CUL1: variants seen among roughly 807,000 people sequenced by gnomAD.
The protein encoded by CUL1 is cullin-1.
Under a neutral mutation model 118.0 loss-of-function variants are expected in CUL1, and 24 were observed. That is an observed-to-expected ratio of 0.20 (90% CI 0.15 to 0.29). The LOEUF (loss-of-function observed/expected upper bound fraction) is 0.29, where lower values mean the gene tolerates loss of function less well. CUL1 is among the 10% of genes least tolerant of loss of function. CUL1 has a pLI of 1.00. For synonymous variants in CUL1, 332 were observed against 340.4 expected, an observed-to-expected ratio of 0.98 and a Z score of 0.27; for missense variants, 361 against 933.8, an observed-to-expected ratio of 0.39 and a Z score of 7.99.
chr7:148,776,182 C>CT (rs1484355640), intron 9 of CUL1, among the ~76,000 whole-genome samples: 1 of 151,614 alleles, frequency 6.6e-6, no homozygotes, highest in Non-Finnish European at 1.5e-5. Context: ...GGAAGACCCC[C>CT]CTCTGCCTTG....
chr7:148,725,221 T>G (rs11761079), intron 1 of CUL1, among the ~76,000 whole-genome samples: 14,085 of 145,226 alleles, frequency 0.097, 945 homozygotes, highest in African/African-American at 0.19. Flanking sequence ...ACGCGCGCGC[T>G]CACACACACA....
intron 2 of CUL1, among the ~76,000 whole-genome samples, chr7:148,748,895 G>A (rs1279453783): frequency 6.6e-6 from 1 of 152,044 alleles, no homozygotes; most frequent in Admixed American, 6.6e-5. Flanking sequence ...CTCTTAGAAC[G>A]AACAGTGGAA....
intron 2 of CUL1, among the ~76,000 whole-genome samples, chr7:148,743,068 G>T (rs903412027): frequency 2.6e-5 from 4 of 152,124 alleles, no homozygotes; most frequent in South Asian, 2.1e-4. Flanking sequence ...AGAAATATTG[G>T]ATTTTCCCGG....
At chr7:148,754,687 A>G (rs1449449206) in intron 3 of CUL1, among the ~76,000 whole-genome samples, 1 of 152,094 alleles carries the variant, frequency 6.6e-6, no homozygotes, top group Non-Finnish European at 1.5e-5. Flanking sequence ...TCAGTCTTGG[A>G]AACCATGTTT....
chr7:148,717,123 G>A (rs1398429757), intron 1 of CUL1, among the ~76,000 whole-genome samples: 3 of 152,122 alleles, frequency 2.0e-5, no homozygotes, highest in Non-Finnish European at 4.4e-5. Context: ...GCAGTGGGGT[G>A]ATCTCTGCTC....
intron 9 of CUL1, among the ~76,000 whole-genome samples, chr7:148,768,633 C>T (rs965288077): frequency 6.6e-6 from 1 of 152,052 alleles, no homozygotes; most frequent in South Asian, 2.1e-4. Context: ...GATTCGCCCG[C>T]CTTGGCCTCC....
chr7:148,756,916 C>G (rs1799677967), intron 3 of CUL1, 67 bp from the exon 4 acceptor site: 2 of 1,120,382 alleles, frequency 1.8e-6, no homozygotes, highest in Non-Finnish European at 2.5e-6. Context: ...AGATGTTATT[C>G]ACCGTTATTT....
At chr7:148,718,483 G>A (rs993440173) in intron 1 of CUL1, among the ~76,000 whole-genome samples, 2 of 152,102 alleles carry the variant, frequency 1.3e-5, no homozygotes, top group Non-Finnish European at 2.9e-5. Flanking sequence ...CATATGATAC[G>A]TGGTGTTTTG....
intron 14 of CUL1, 31 bp from the exon 15 acceptor site, chr7:148,789,719 T>C: frequency 6.3e-7 from 1 of 1,576,486 alleles, no homozygotes; most frequent in Non-Finnish European, 8.7e-7. Context: ...TATTCCAGAA[T>C]GTTCACTCTC....
chr7:148,798,381 G>A (rs1801278507), intron 19 of CUL1, among the ~76,000 whole-genome samples, 191 bp from the exon 20 acceptor site: 2 of 152,100 alleles, frequency 1.3e-5, no homozygotes. Flanking sequence ...TGGCCGAGTA[G>A]GAAACTAGGC....
intron 21 of CUL1, among the ~76,000 whole-genome samples, chr7:148,799,675 C>T (rs1240857489): frequency 6.6e-6 from 1 of 152,124 alleles, no homozygotes; most frequent in Non-Finnish European, 1.5e-5. Flanking sequence ...CCCACCCCAG[C>T]CAGCACCTGT....
intron 11 of CUL1, among the ~76,000 whole-genome samples, chr7:148,784,753 TTA>T (rs1459472353): frequency 1.3e-5 from 2 of 152,194 alleles, no homozygotes; most frequent in Non-Finnish European, 2.9e-5. Context: ...CACGCCAAAA[TTA>T]TATTGGTTTT....
At chr7:148,767,393 A>G (rs1315218564) in intron 8 of CUL1, among the ~76,000 whole-genome samples, 2 of 152,238 alleles carry the variant, frequency 1.3e-5, no homozygotes, top group African/African-American at 4.8e-5. Context: ...TAAATTTACA[A>G]TAGTAAATTT....
At chr7:148,756,891 G>T in intron 3 of CUL1, 92 bp from the exon 4 acceptor site, 5 of 789,552 alleles carry the variant, frequency 6.3e-6, no homozygotes, top group Non-Finnish European at 5.6e-6. Flanking sequence ...ATGTGTCAAT[G>T]TATTTTAATA....
chr7:148,746,189 C>G (rs1799305428), intron 2 of CUL1, among the ~76,000 whole-genome samples: 1 of 152,172 alleles, frequency 6.6e-6, no homozygotes, highest in African/African-American at 2.4e-5. Flanking sequence ...ACAAAGAACA[C>G]TTGGTGAGAA....
intron 9 of CUL1, among the ~76,000 whole-genome samples, chr7:148,768,591 G>A (rs1279096861): frequency 1.1e-4 from 16 of 151,830 alleles, no homozygotes; most frequent in Admixed American, 1.0e-3. Context: ...CGCTGTGTTG[G>A]CCAGGCTGGT....
At chr7:148,773,619 G>T (rs1209385589) in intron 9 of CUL1, among the ~76,000 whole-genome samples, 1 of 152,068 alleles carries the variant, frequency 6.6e-6, no homozygotes, top group Non-Finnish European at 1.5e-5. Context: ...TCTGCTGCAG[G>T]GCTGCCGTCT....
At chr7:148,698,852 C>CGGGCGGGCAGGGGAGGAGGAGG (rs1797610233), upstream of CUL1, 3 of 152,894 alleles carry the variant, frequency 2.0e-5, no homozygotes, top group African/African-American at 7.3e-5. Flanking sequence ...GGAGGAGGGC[C>CGGGCGGGCAGGGGAGGAGGAGG]GGGCGGGCAG....
chr7:148,755,387 C>T (rs1016980452), intron 3 of CUL1, among the ~76,000 whole-genome samples: 1 of 152,190 alleles, frequency 6.6e-6, no homozygotes, highest in Non-Finnish European at 1.5e-5. Flanking sequence ...TTTTTATTTA[C>T]ACAATGTGCA....
Sources: gnomAD v4.1 joint callset for allele counts (sites outside exome capture counted in the v4.1 genomes callset) on GRCh38, gnomAD v4.1.1 for gene constraint, MANE v1.5 for transcripts, NCBI Gene and HGNC (gene_info 2026-07-23, HGNC 2026-07-21) for gene names.